The following GALNT17 variants were observed in gnomAD, a reference collection of about 807,000 sequenced individuals.
The protein encoded by GALNT17 is polypeptide N-acetylgalactosaminyltransferase 17.
A neutral mutation model predicts 63.7 loss-of-function variants in GALNT17; 29 were observed. That is an observed-to-expected ratio of 0.46 (90% CI 0.34 to 0.62). The LOEUF is 0.62. GALNT17 is among the 20% of genes least tolerant of loss of function. The pLI is 0.01. For missense variants in GALNT17, 603 were observed against 799.6 expected (o/e 0.75, Z 2.97); for synonymous variants, 305 against 318.3 (o/e 0.96, Z 0.45).
chr7:71,610,988 CAAA>C (rs11447692), intron 6 of GALNT17, among the ~76,000 whole-genome samples: 2 of 127,046 alleles, frequency 1.6e-5, no homozygotes, highest in Non-Finnish European at 1.6e-5. Flanking sequence ...GACTCCATTT[CAAA>C]AAAAAAAAAA....
chr7:71,575,376 G>C (rs542922958), intron 6 of GALNT17, among the ~76,000 whole-genome samples: 3 of 140,004 alleles, frequency 2.1e-5, no homozygotes, highest in Non-Finnish European at 3.0e-5. Flanking sequence ...TTTAACATGA[G>C]AACACTATTT....
At chr7:71,550,446 T>C (rs1036198544) in intron 5 of GALNT17, among the ~76,000 whole-genome samples, 4 of 152,156 alleles carry the variant, frequency 2.6e-5, no homozygotes, top group African/African-American at 9.7e-5. Context: ...AGTGGCGTGA[T>C]TTTGGATCAC....
chr7:71,573,130 T>C (rs1789478004), intron 6 of GALNT17, among the ~76,000 whole-genome samples: 1 of 151,734 alleles, frequency 6.6e-6, no homozygotes, highest in African/African-American at 2.4e-5. Context: ...GGCCTCAGCT[T>C]CTCAAGTAGC....
chr7:71,246,535 G>A (rs144939984), intron 1 of GALNT17, among the ~76,000 whole-genome samples: 7 of 146,274 alleles, frequency 4.8e-5, no homozygotes, highest in African/African-American at 1.5e-4. Context: ...CATTCATTAA[G>A]ATTATACTTA....
intron 3 of GALNT17, among the ~76,000 whole-genome samples, chr7:71,410,006 T>C (rs1793401643): frequency 6.6e-6 from 1 of 152,180 alleles, no homozygotes; most frequent in Non-Finnish European, 1.5e-5. Context: ...TGTCAGCAGT[T>C]TCATTGGTAT....
chr7:71,682,936 G>A (rs531153418), intron 9 of GALNT17, among the ~76,000 whole-genome samples: 26 of 152,046 alleles, frequency 1.7e-4, no homozygotes, highest in Non-Finnish European at 3.2e-4. Context: ...CCCCAGGCAG[G>A]AGGCAGACAT....
rs1157519625 is a variant in GALNT17 at position 71,674,581 on chromosome 7, T to C, written c.1405-2630T>C. Among the ~76,000 whole-genome samples, 3 of 152,076 alleles carry C rather than the reference T, an allele frequency of 2.0e-5. No homozygotes were observed. The East Asian group carries it at 5.8e-4, about 29-fold the overall frequency. On this transcript the variant is annotated intron_variant, in intron 8 of 10. Transcript: ENST00000333538. ...CCCAAGATGGAATCCAGTGGCGCAA[T>C]CTCAGCTCACTGTAGCCTTAAACTC...
At chr7:71,274,480 A>G (rs905166304) in intron 1 of GALNT17, among the ~76,000 whole-genome samples, 1 of 151,852 alleles carries the variant, frequency 6.6e-6, no homozygotes, top group African/African-American at 2.4e-5. Context: ...GGATCTTGCT[A>G]TGTTGCCCAG....
chr7:71,374,628 T>C (rs185758735), intron 2 of GALNT17, among the ~76,000 whole-genome samples: 2 of 152,284 alleles, frequency 1.3e-5, no homozygotes, highest in Non-Finnish European at 2.9e-5. Context: ...CTGCAAAGGA[T>C]GTGGAGACGT....
At chr7:71,321,340 C>T (rs1791601692) in intron 1 of GALNT17, among the ~76,000 whole-genome samples, 1 of 152,158 alleles carries the variant, frequency 6.6e-6, no homozygotes, top group Non-Finnish European at 1.5e-5. Context: ...TGCACAGACA[C>T]TCTTGGGCAT....
intron 2 of GALNT17, among the ~76,000 whole-genome samples, chr7:71,359,437 A>G (rs60512870): frequency 6.6e-6 from 1 of 152,242 alleles, no homozygotes; most frequent in African/African-American, 2.4e-5. Flanking sequence ...TAGAGAACCC[A>G]CTACCATGAG....
chr7:71,192,047 C>A (rs1195421581), intron 1 of GALNT17, among the ~76,000 whole-genome samples: 1 of 152,192 alleles, frequency 6.6e-6, no homozygotes. Context: ...GGCCCAAGAG[C>A]CCCTGGCAAA....
At chr7:71,585,914 CTT>C (rs35569879) in intron 6 of GALNT17, among the ~76,000 whole-genome samples, 8 of 137,956 alleles carry the variant, frequency 5.8e-5, no homozygotes, top group Admixed American at 1.5e-4. Context: ...TTCCTGATTT[CTT>C]TTTTTTTTTT....
chr7:71,564,514 G>C (rs1420953316), intron 5 of GALNT17, among the ~76,000 whole-genome samples: 1 of 151,784 alleles, frequency 6.6e-6, no homozygotes, highest in Non-Finnish European at 1.5e-5. Context: ...TCAAATTCCT[G>C]ACCTGAAGTG....
At chr7:71,255,983 A>T (rs1447371706) in intron 1 of GALNT17, among the ~76,000 whole-genome samples, 2 of 152,152 alleles carry the variant, frequency 1.3e-5, no homozygotes, top group African/African-American at 4.8e-5. Context: ...TTTCAGAATT[A>T]CTGACAGAGC....
intron 1 of GALNT17, among the ~76,000 whole-genome samples, chr7:71,321,693 C>T (rs941672768): frequency 5.4e-5 from 8 of 148,644 alleles, no homozygotes; most frequent in African/African-American, 1.2e-4. Flanking sequence ...CTGCAACCTC[C>T]GCCTCCCAGG....
intron 1 of GALNT17, among the ~76,000 whole-genome samples, chr7:71,206,862 T>G (rs137987113): frequency 6.6e-6 from 1 of 152,000 alleles, no homozygotes; most frequent in African/African-American, 2.4e-5. Context: ...TCCCAGCACT[T>G]TGGGAGGCCA....
intron 1 of GALNT17, chr7:71,300,587 C>T (rs1376507698): frequency 2.9e-6 from 1 of 347,204 alleles, no homozygotes; most frequent in Non-Finnish European, 5.8e-6. Flanking sequence ...TACACACACA[C>T]ATGCATGCGC....
At chr7:71,564,973 A>C (rs2116863825) in intron 5 of GALNT17, among the ~76,000 whole-genome samples, 1 of 152,310 alleles carries the variant, frequency 6.6e-6, no homozygotes, top group Middle Eastern at 3.4e-3. Flanking sequence ...GTTACATTAA[A>C]GTATCAGGCT....
Sources: allele counts gnomAD v4.1 joint callset (sites outside exome capture counted in the v4.1 genomes callset), GRCh38; gene constraint gnomAD v4.1.1; transcripts MANE v1.5; gene names NCBI Gene and HGNC (gene_info 2026-07-23, HGNC 2026-07-21).